The following TESK2 variants were observed in gnomAD, a reference collection of about 807,000 sequenced individuals.
TESK2 encodes the protein dual specificity testis-specific protein kinase 2.
In TESK2, 39 loss-of-function variants were observed where a neutral mutation model predicts 57.1. That is an observed-to-expected ratio of 0.68 (90% CI 0.53 to 0.89). TESK2 has a LOEUF of 0.89. Among genes scored for constraint, TESK2 ranks in the 40% least tolerant of loss-of-function variants. TESK2 has a pLI of 0.00. For synonymous variants in TESK2, 249 were observed against 267.9 expected, an observed-to-expected ratio of 0.93 and a Z score of 0.69; for missense variants, 646 against 732.1, an observed-to-expected ratio of 0.88 and a Z score of 1.36.
intron 1 of TESK2, among the ~76,000 whole-genome samples, chr1:45,477,796 C>A (rs72896191): frequency 0.052 from 7,876 of 152,130 alleles, 707 homozygotes; most frequent in African/African-American, 0.18. Context: ...TTAGGCTAAT[C>A]ATTATTCCCT....
chr1:45,436,148 T>C (rs1038375717), intron 2 of TESK2, among the ~76,000 whole-genome samples: 1 of 147,298 alleles, frequency 6.8e-6, no homozygotes, highest in African/African-American at 2.5e-5. Flanking sequence ...GGACTGCTTT[T>C]TCTATTTCTG....
chr1:45,448,982 T>C (rs897469748), intron 2 of TESK2, among the ~76,000 whole-genome samples: 1 of 151,814 alleles, frequency 6.6e-6, no homozygotes, highest in Non-Finnish European at 1.5e-5. Context: ...CCTAGCACGG[T>C]GGAAGGCTGA....
At chr1:45,452,734 G>A (rs908179304) in intron 2 of TESK2, among the ~76,000 whole-genome samples, 1 of 150,848 alleles carries the variant, frequency 6.6e-6, no homozygotes, top group Non-Finnish European at 1.5e-5. Context: ...GGGCAACATA[G>A]CAAGACCCTG....
At chr1:45,405,332 C>T (rs1407674024) in intron 3 of TESK2, among the ~76,000 whole-genome samples, 2 of 152,074 alleles carry the variant, frequency 1.3e-5, no homozygotes, top group Admixed American at 6.5e-5. Flanking sequence ...TCAATTCTTC[C>T]AGTTGTTCAA....
At chr1:45,461,659 GAAGT>G (rs1294337004) in intron 1 of TESK2, among the ~76,000 whole-genome samples, 3 of 152,138 alleles carry the variant, frequency 2.0e-5, no homozygotes, top group African/African-American at 7.2e-5. Flanking sequence ...AAAAGATATT[GAAGT>G]AATATACAAA....
At chr1:45,478,194 G>A (rs1385621966) in intron 1 of TESK2, among the ~76,000 whole-genome samples, 1 of 152,184 alleles carries the variant, frequency 6.6e-6, no homozygotes, top group Non-Finnish European at 1.5e-5. Context: ...ATCTATGCAT[G>A]TAATATTCTT....
intron 7 of TESK2, 27 bp downstream of exon 7, chr1:45,347,582 T>C: frequency 6.3e-7 from 1 of 1,596,008 alleles, no homozygotes; most frequent in Non-Finnish European, 8.6e-7. Context: ...AAAAGGAGAA[T>C]CAGGCCTTGA....
At chr1:45,384,323 C>CCATGTATGTATGTATGTATG (rs556693124) in intron 4 of TESK2, among the ~76,000 whole-genome samples, 66 of 150,470 alleles carry the variant, frequency 4.4e-4, no homozygotes, top group African/African-American at 1.5e-3. Context: ...GGGTCTCACT[C>CCATGTATGTATGTATGTATG]TATGTATGTA....
chr1:45,429,873 C>T (rs1227461961), intron 2 of TESK2, among the ~76,000 whole-genome samples: 2 of 152,168 alleles, frequency 1.3e-5, no homozygotes, highest in Non-Finnish European at 2.9e-5. Flanking sequence ...GATATCCCTG[C>T]CTTTGCATTA....
At chr1:45,388,887 A>T (rs1314209498) in intron 3 of TESK2, among the ~76,000 whole-genome samples, 1 of 151,804 alleles carries the variant, frequency 6.6e-6, no homozygotes, top group Non-Finnish European at 1.5e-5. Flanking sequence ...CGCCCGGCTA[A>T]TTTTTTGTAT....
At chr1:45,384,321 CTCTATGTATGTA>C (rs1455446854) in intron 4 of TESK2, among the ~76,000 whole-genome samples, 3 of 138,012 alleles carry the variant, frequency 2.2e-5, no homozygotes, top group Non-Finnish European at 3.1e-5. Flanking sequence ...CAGGGTCTCA[CTCTATGTATGTA>C]TGTATGTATG....
rs1262799036 is a variant in TESK2, at chr1:45,486,698, C to A, written c.-87+4154G>T. 1.2e-4 allele frequency among the ~76,000 whole-genome samples: 17 copies of A among 145,306 alleles called. No individual in the cohort carries two copies. In the South Asian group the frequency reaches 1.4e-3, roughly 12 times the overall value. On this transcript the variant is annotated intron_variant, in intron 1 of 10. Coordinates refer to ENST00000372086, the MANE Select transcript of TESK2 (RefSeq NM_007170.3). ...AAAAAAAATTAATTAAAAAAAAAAA[C>A]AAACGCACACACACACAATTAACTA...
At chr1:45,387,502 A>C (rs1278909574) in intron 3 of TESK2, among the ~76,000 whole-genome samples, 1 of 152,040 alleles carries the variant, frequency 6.6e-6, no homozygotes, top group East Asian at 1.9e-4. Context: ...GAAGAGACTG[A>C]CTACAAGCAG....
At chr1:45,386,663 CT>C (rs1314196507) in intron 3 of TESK2, among the ~76,000 whole-genome samples, 6 of 150,476 alleles carry the variant, frequency 4.0e-5, no homozygotes, top group Non-Finnish European at 8.9e-5. Context: ...GGTTTTGTTG[CT>C]TTTTTTTTGA....
intron 3 of TESK2, 129 bp downstream of exon 3, chr1:45,421,596 C>T (rs1198166720): frequency 2.2e-6 from 3 of 1,350,884 alleles, no homozygotes; most frequent in Non-Finnish European, 3.0e-6. Context: ...TAGAGTACCA[C>T]TAAACCCCAG....
intron 1 of TESK2, among the ~76,000 whole-genome samples, chr1:45,489,135 GAAAA>G (rs34912233): frequency 2.2e-5 from 3 of 134,272 alleles, no homozygotes. Flanking sequence ...TGACACCAAA[GAAAA>G]AAAAAAAAAA....
intron 3 of TESK2, among the ~76,000 whole-genome samples, chr1:45,392,687 G>A (rs141268709): frequency 3.5e-4 from 53 of 151,714 alleles, no homozygotes; most frequent in African/African-American, 1.1e-3. Flanking sequence ...GGCAACAAGA[G>A]TGAAACTCTG....
chr1:45,450,228 T>C (rs1440355690), intron 2 of TESK2, among the ~76,000 whole-genome samples: 1 of 152,204 alleles, frequency 6.6e-6, no homozygotes, highest in African/African-American at 2.4e-5. Context: ...TTAAAATTAA[T>C]AGGCTGGGCA....
chr1:45,466,429 G>A (rs935086360), intron 1 of TESK2, among the ~76,000 whole-genome samples: 3 of 151,824 alleles, frequency 2.0e-5, no homozygotes, highest in Admixed American at 6.6e-5. Context: ...AGCTGAGATC[G>A]TGCCACTGCA....
Sources: gnomAD v4.1 joint callset for allele counts (sites outside exome capture counted in the v4.1 genomes callset) on GRCh38, gnomAD v4.1.1 for gene constraint, MANE v1.5 for transcripts, NCBI Gene and HGNC (gene_info 2026-07-23, HGNC 2026-07-21) for gene names.